Variants in PTPRK observed in about 807,000 individuals in gnomAD.
PTPRK encodes the protein protein tyrosine phosphatase receptor type K, also known as receptor-type tyrosine-protein phosphatase kappa.
A neutral mutation model predicts 178.0 loss-of-function variants in PTPRK; 75 were observed. The observed-to-expected ratio is 0.42, with a 90% CI of 0.35 to 0.51. The LOEUF (loss-of-function observed/expected upper bound fraction) is 0.51, where lower values mean the gene tolerates loss of function less well. Among genes scored for constraint, PTPRK ranks in the 20% least tolerant of loss-of-function variants. The probability of loss-of-function intolerance (pLI) is 0.02; values close to 1 mark genes in which losing one functional copy is unlikely to be tolerated. For missense variants in PTPRK, 1,441 were observed against 1,797.8 expected (o/e 0.80, Z 3.59); for synonymous variants, 637 against 620.6 (o/e 1.03, Z -0.39).
chr6:128,237,830 G>GT (rs111501452), intron 5 of PTPRK, among the ~76,000 whole-genome samples: 27,309 of 150,746 alleles, frequency 0.18, 5,854 homozygotes, highest in African/African-American at 0.51. Flanking sequence ...GCTTTATTAT[G>GT]TTTTTTTTTA....
chr6:128,440,656 T>C (rs915455592), intron 1 of PTPRK, among the ~76,000 whole-genome samples: 7 of 152,186 alleles, frequency 4.6e-5, no homozygotes, highest in Non-Finnish European at 8.8e-5. Context: ...CTCTCCTTAA[T>C]AGAAGGTAGT....
intron 2 of PTPRK, among the ~76,000 whole-genome samples, chr6:128,379,046 G>T (rs1295165319): frequency 6.6e-6 from 1 of 152,038 alleles, no homozygotes; most frequent in Non-Finnish European, 1.5e-5. Context: ...ATATAATATA[G>T]TACCTGATTA....
chr6:128,195,672 T>C (rs1217011418), intron 6 of PTPRK, among the ~76,000 whole-genome samples: 2 of 152,118 alleles, frequency 1.3e-5, no homozygotes, highest in Admixed American at 1.3e-4. Flanking sequence ...ACCTCAGTCA[T>C]ATATAAAATT....
chr6:128,019,294 G>C (rs903252050), intron 13 of PTPRK, among the ~76,000 whole-genome samples: 4 of 152,112 alleles, frequency 2.6e-5, no homozygotes, highest in African/African-American at 9.7e-5. Flanking sequence ...ATGTGATTAA[G>C]CTGCCTATAT....
Position 128,519,133 on chromosome 6 carries a change from CA to C in PTPRK, c.100+1125del, listed in dbSNP as rs780891879. 2 of 521,794 alleles carry C rather than the reference CA, an allele frequency of 3.8e-6. No homozygotes were observed. The highest frequency in any genetic ancestry group is 2.9e-5 in the South Asian group (2 of 69,156). The allele number at this position is 521,794 out of a possible 1,614,324, so 32.3% of individuals were successfully genotyped here. A position where few individuals can be genotyped will look rare whatever the true frequency, so the allele number is the denominator to read the frequency against. On this transcript the variant is annotated intron_variant, in intron 1 of 29. Coordinates refer to ENST00000368226, the MANE Select transcript of PTPRK (RefSeq NM_002844.4). The surrounding 1 kb of genome is among the most constrained non-coding windows in gnomAD (Gnocchi z 4.3). Reference sequence around the variant, plus strand: ...CCCAGCAGCAGATGCGCTCGCCAGCCAAGCGAAGCTGGGTAGGTTGGCCAGA... The same window carrying C: ...CCCAGCAGCAGATGCGCTCGCCAGCCAGCGAAGCTGGGTAGGTTGGCCAGA...
rs188216507 is a variant in PTPRK at position 128,088,044 on chromosome 6, C to T, written c.1465+1646G>A. Among the ~76,000 whole-genome samples the T allele has an allele frequency of 3.6e-3, 554 of 152,268 alleles. 5 individuals are homozygous for T. The highest frequency in any genetic ancestry group is 0.013 in the African/African-American group (528 of 41,554). On this transcript the variant is annotated intron_variant, in intron 8 of 29. Transcript: ENST00000368226. ...CAGAACTTAAGGGAACTTGGGAATA[C>T]GTGGTTATAAAAAACATTCTGTTTT...
intron 3 of PTPRK, among the ~76,000 whole-genome samples, chr6:128,250,182 C>T (rs766670072): frequency 2.6e-5 from 4 of 152,112 alleles, no homozygotes; most frequent in Non-Finnish European, 5.9e-5. Flanking sequence ...TTTTTCTTCC[C>T]AGTCTCATGT....
At chr6:128,437,031 A>T (rs1326899413) in intron 1 of PTPRK, among the ~76,000 whole-genome samples, 1 of 152,190 alleles carries the variant, frequency 6.6e-6, no homozygotes, top group Non-Finnish European at 1.5e-5. Flanking sequence ...CATCAGAGGC[A>T]TCCTAACCAG....
chr6:128,239,984 T>G, intron 5 of PTPRK, 51 bp downstream of exon 5: 1 of 1,420,488 alleles, frequency 7.0e-7, no homozygotes, highest in Non-Finnish European at 9.9e-7. Flanking sequence ...TGTTGCAATG[T>G]TTTTAAAACA....
intron 2 of PTPRK, among the ~76,000 whole-genome samples, chr6:128,389,413 G>GTTTTTTTTTTT (rs11443907): frequency 5.5e-5 from 8 of 144,382 alleles, no homozygotes; most frequent in South Asian, 2.2e-4. Flanking sequence ...GTTTTTTTTT[G>GTTTTTTTTTTT]TTTTTTTTGT....
chr6:128,288,009 T>A (rs1306549871), intron 3 of PTPRK, among the ~76,000 whole-genome samples: 2 of 152,188 alleles, frequency 1.3e-5, no homozygotes, highest in Admixed American at 6.6e-5. Flanking sequence ...AACTAACTTG[T>A]CTTCCCACTG....
intron 1 of PTPRK, among the ~76,000 whole-genome samples, chr6:128,485,522 C>A (rs1159110981): frequency 6.6e-6 from 1 of 152,104 alleles, no homozygotes; most frequent in Non-Finnish European, 1.5e-5. Context: ...AGGCAAGTTC[C>A]CAGTCATGAA....
At chr6:128,123,940 A>G (rs1258887818) in intron 7 of PTPRK, among the ~76,000 whole-genome samples, 1 of 152,138 alleles carries the variant, frequency 6.6e-6, no homozygotes, top group African/African-American at 2.4e-5. Context: ...GCGTATACTA[A>G]CAACATGACT....
At chr6:128,167,116 C>T (rs1799518517) in intron 7 of PTPRK, among the ~76,000 whole-genome samples, 1 of 151,390 alleles carries the variant, frequency 6.6e-6, no homozygotes, top group African/African-American at 2.4e-5. Context: ...TGTGCTGTGC[C>T]TTATACATAA....
intron 3 of PTPRK, among the ~76,000 whole-genome samples, chr6:128,287,319 T>G (rs1207992040): frequency 6.6e-6 from 1 of 152,206 alleles, no homozygotes; most frequent in Non-Finnish European, 1.5e-5. Context: ...GTCCGAAAAC[T>G]CTTGCTCAGA....
At chr6:128,256,912 T>A (rs1193336593) in intron 3 of PTPRK, among the ~76,000 whole-genome samples, 1 of 152,090 alleles carries the variant, frequency 6.6e-6, no homozygotes, top group Non-Finnish European at 1.5e-5. Context: ...TTGTAGAACA[T>A]CTAGTTAGGA....
intron 3 of PTPRK, among the ~76,000 whole-genome samples, chr6:128,267,283 C>T (rs567238817): frequency 2.0e-5 from 3 of 152,144 alleles, no homozygotes; most frequent in African/African-American, 7.2e-5. Flanking sequence ...TAGATGAGTC[C>T]ACAAAATATG....
chr6:128,416,233 G>C (rs1842832864), intron 1 of PTPRK, among the ~76,000 whole-genome samples: 1 of 151,940 alleles, frequency 6.6e-6, no homozygotes, highest in African/African-American at 2.4e-5. Context: ...TTTGCAACAA[G>C]AATGACGACC....
intron 5 of PTPRK, among the ~76,000 whole-genome samples, chr6:128,236,018 A>G (rs1813189078): frequency 6.6e-6 from 1 of 152,100 alleles, no homozygotes; most frequent in Non-Finnish European, 1.5e-5. Context: ...TACTGTGTCT[A>G]ATTTATTAAT....
Sources: allele counts gnomAD v4.1 joint callset (sites outside exome capture counted in the v4.1 genomes callset), GRCh38; gene constraint gnomAD v4.1.1; non-coding constraint Gnocchi (gnomAD v3.1); transcripts MANE v1.5; gene names NCBI Gene and HGNC (gene_info 2026-07-23, HGNC 2026-07-21).